Variants in KLHL11 observed in about 807,000 individuals in gnomAD.
KLHL11 encodes the protein kelch like family member 11, also known as kelch-like protein 11.
Under a neutral mutation model 56.1 loss-of-function variants are expected in KLHL11, and 26 were observed. That is an observed-to-expected ratio of 0.46 (90% CI 0.34 to 0.64). The LOEUF (loss-of-function observed/expected upper bound fraction) is 0.64. KLHL11 is among the 30% of genes least tolerant of loss of function. KLHL11 has a pLI of 0.01. For missense variants in KLHL11, 627 were observed against 919.4 expected (o/e 0.68, Z 4.11); for synonymous variants, 338 against 345.8 (o/e 0.98, Z 0.25).
Position 41,852,677 on chromosome 17 carries a change from G to C in KLHL11, c.*1063C>G, listed in dbSNP as rs2048338728. Among the ~76,000 whole-genome samples, 1 of 151,278 alleles carries C rather than the reference G, an allele frequency of 6.6e-6. No homozygotes were observed. Among genetic ancestry groups the C allele is most frequent in the Admixed American group, 6.6e-5 (1 of 15,174 alleles). On this transcript the variant is annotated 3_prime_UTR_variant, in exon 2 of 2. Transcript: ENST00000319121. ...GTGATGGTGGGTACCTGTAATCCCA[G>C]CTACTCGGGATGCTGAGGCAAGAGA...
In KLHL11 at chr17:41,865,225, C is replaced by T; in HGVS notation, c.146G>A (p.Gly49Glu). Residue 49 changes from glycine to glutamate, a missense_variant, in exon 1 of 2, where the codon GGG becomes GAG. This residue lies in a region of KLHL11 where 121 missense variants were observed against 116.2 expected (regional missense o/e 1.04). Transcript: ENST00000319121. Reference protein sequence around the residue: ...EVRGSGTVDFGPGPGISAMEA... With the variant: ...EVRGSGTVDFEPGPGISAMEA... Reference sequence around the variant, plus strand: ...CATTGCAGAGATCCCCGGCCCAGGCCCGAAGTCCACCGTGCCGCTGCCTCG... The same window carrying T: ...CATTGCAGAGATCCCCGGCCCAGGCTCGAAGTCCACCGTGCCGCTGCCTCG... 6.2e-7 allele frequency: 1 copy of T among 1,600,028 alleles called. No individual in the cohort carries two copies. Among genetic ancestry groups the T allele is most frequent in the Non-Finnish European group, 8.5e-7 (1 of 1,175,294 alleles).
intron 1 of KLHL11, among the ~76,000 whole-genome samples, chr17:41,861,769 C>T (rs770288298): frequency 5.9e-5 from 9 of 151,884 alleles, no homozygotes; most frequent in Non-Finnish European, 1.2e-4. Context: ...CTCTTCCATC[C>T]CGACAGTTCC....
Position 41,855,056 on chromosome 17 carries a change from A to G in KLHL11, c.811T>C (p.Leu271=), listed in dbSNP as rs782768664. 11 of 1,614,162 alleles carry G rather than the reference A, an allele frequency of 6.8e-6. No individual in the cohort carries two copies. The highest frequency in any genetic ancestry group is 8.5e-6 in the Non-Finnish European group (10 of 1,180,050). The part of the protein sequence containing the change: ...DSEEVLFETV[L]KWVQRNAEER... ...TCAGCATTTCTCTGAACCCATTTCA[A>G]AACGGTTTCAAAGAGAACCTCTTCA... The change falls in exon 2 of 2, where the codon TTG becomes CTG. Residue 271 remains leucine, a synonymous_variant. Transcript: ENST00000319121.
chr17:41,855,660 C>T (rs1555622442), intron 1 of KLHL11, among the ~76,000 whole-genome samples: 1 of 151,656 alleles, frequency 6.6e-6, no homozygotes, highest in East Asian at 1.9e-4. Flanking sequence ...CGTGAGCTGC[C>T]GTGCCCGGCC....
chr17:41,864,815 CCCTCGCCTA>C lies in KLHL11; in HGVS notation c.545+2_545+10del. ...CCCGCCGCCCTCCGCGCTCCCGCCT[CCCTCGCCTA>C]CCTGTCGGCCAACTCCAGCACCTCG... On this transcript the variant is annotated splice_donor_variant and splice_donor_5th_base_variant and intron_variant, in intron 1 of 1. Transcript: ENST00000319121. LOFTEE classifies it high-confidence loss of function. The C allele has an allele frequency of 6.7e-6, 10 of 1,493,826 alleles. No homozygotes were observed. The highest frequency in any genetic ancestry group is 8.9e-6 in the Non-Finnish European group (10 of 1,119,494). The allele number at this position is 1,493,826 out of a possible 1,614,324, so 92.5% of individuals were successfully genotyped here.
intron 1 of KLHL11, among the ~76,000 whole-genome samples, chr17:41,855,836 T>A (rs1353715461): frequency 2.0e-5 from 3 of 148,322 alleles, no homozygotes; most frequent in Non-Finnish European, 4.5e-5. Context: ...CACACCCAGC[T>A]AATTTTTGTA....
intron 1 of KLHL11, 46 bp downstream of exon 1, chr17:41,864,780 C>A: frequency 6.8e-7 from 1 of 1,478,612 alleles, no homozygotes; most frequent in East Asian, 2.6e-5. Context: ...AGCATCTCCC[C>A]CTCTCCGCGC....
chr17:41,857,810 G>C (rs1477507693), intron 1 of KLHL11, among the ~76,000 whole-genome samples: 1 of 151,886 alleles, frequency 6.6e-6, no homozygotes, highest in Non-Finnish European at 1.5e-5. Flanking sequence ...TGTCTGGCTG[G>C]AGGTTTTTCT....
chr17:41,852,897 A>C lies in KLHL11; in HGVS notation c.*843T>G, dbSNP rs1463580441. Among the ~76,000 whole-genome samples, 1 of 152,194 alleles carries C rather than the reference A, an allele frequency of 6.6e-6. No individual in the cohort carries two copies. The highest frequency in any genetic ancestry group is 2.4e-5 in the African/African-American group (1 of 41,460). On this transcript the variant is annotated 3_prime_UTR_variant, in exon 2 of 2. Coordinates refer to ENST00000319121, the MANE Select transcript of KLHL11 (RefSeq NM_018143.3). ...GTCATAGGCATTATTTACACTCATT[A>C]ACATATCCTCAAATAATCCTGCAAC...
Position 41,854,379 on chromosome 17 carries a change from T to C in KLHL11, c.1488A>G (p.Ala496=). 1 of 1,614,190 alleles carries C rather than the reference T, an allele frequency of 6.2e-7. No homozygotes were observed. Among genetic ancestry groups the C allele is most frequent in the Non-Finnish European group, 8.5e-7 (1 of 1,180,030 alleles). Residue 496 remains alanine (A), a synonymous_variant, in exon 2 of 2, where the codon GCA becomes GCG. Transcript: ENST00000319121. This position sits in a 1 kb window ranked among gnomAD's most constrained non-coding sequence, Gnocchi z 4.9. ...ATACAAACCGGTCTTCAATGGCTAG[T>C]GCTTTGACATCTCGAAGAATCTTTG... The part of the protein sequence containing the change: ...SAPKILRDVK[A]LAIEDRFVYI...
chr17:41,854,389 T>C lies in KLHL11; in HGVS notation c.1478A>G (p.Asp493Gly). Residue 493 changes from aspartate (D) to glycine (G), a missense_variant, in exon 2 of 2, where the codon GAT becomes GGT. By Grantham distance (94) the Asp-to-Gly change is moderately conservative. Around this residue, in one of 4 missense-constraint regions of KLHL11, gnomAD observed 250 missense variants for 360.6 expected, o/e 0.69. Coordinates refer to ENST00000319121, the MANE Select transcript of KLHL11 (RefSeq NM_018143.3). This position sits in a 1 kb window ranked among gnomAD's most constrained non-coding sequence, Gnocchi z 4.9. ...GTCTTCAATGGCTAGTGCTTTGACA[T>C]CTCGAAGAATCTTTGGTGCCGATTC... Reference protein sequence around the residue: ...NLESAPKILRDVKALAIEDRF... With the variant: ...NLESAPKILRGVKALAIEDRF... 6.2e-7 allele frequency: 1 copy of C among 1,614,144 alleles called. No individual in the cohort carries two copies. The highest frequency in any genetic ancestry group is 8.5e-7 in the Non-Finnish European group (1 of 1,180,030).
Position 41,849,020 on chromosome 17 carries a change from T to C in KLHL11, c.*4720A>G, listed in dbSNP as rs1304485693. On this transcript the variant is annotated 3_prime_UTR_variant, in exon 2 of 2. Coordinates refer to ENST00000319121, the MANE Select transcript of KLHL11 (RefSeq NM_018143.3). ...CTACTAGGTTATATTACTGTTATTA[T>C]ATTACATCACCCAACTATGAGCTGT... 6.6e-6 allele frequency: 1 copy of C among 152,244 alleles called. No individual in the cohort carries two copies. The highest frequency in any genetic ancestry group is 1.5e-5 in the Non-Finnish European group (1 of 68,060). The allele number at this position is 152,244 out of a possible 1,614,324, so 9.4% of individuals were successfully genotyped here.
chr17:41,862,532 G>T (rs529130096), intron 1 of KLHL11, among the ~76,000 whole-genome samples: 20 of 151,048 alleles, frequency 1.3e-4, no homozygotes, highest in Non-Finnish European at 2.4e-4. Flanking sequence ...TGCCCACCTC[G>T]GCCTCCCAAA....
rs782538979 is a variant in KLHL11 at position 41,854,409 on chromosome 17, C to T, written c.1458G>A (p.Ser486=). 93 of 1,614,002 alleles carry T rather than the reference C, an allele frequency of 5.8e-5. No individual in the cohort carries two copies. The highest frequency in any genetic ancestry group is 7.2e-5 in the Non-Finnish European group (85 of 1,180,030). ...TGACATCTCGAAGAATCTTTGGTGCCGATTCCAAGTTGTGCCATTTATCAA... is the reference window on the plus strand; with the variant it reads ...TGACATCTCGAAGAATCTTTGGTGCTGATTCCAAGTTGTGCCATTTATCAA... ...PELDKWHNLE[S]APKILRDVKA... Residue 486 remains serine, a synonymous_variant, in exon 2 of 2, where the codon TCG becomes TCA. Transcript: ENST00000319121. The surrounding 1 kb of genome is among the most constrained non-coding windows in gnomAD (Gnocchi z 4.9).
intron 1 of KLHL11, among the ~76,000 whole-genome samples, chr17:41,862,423 C>T (rs1452872104): frequency 1.3e-5 from 2 of 149,456 alleles, no homozygotes; most frequent in Non-Finnish European, 3.0e-5. Flanking sequence ...CAGGCACCCG[C>T]CACCATGCCT....
At chr17:41,862,770 G>A (rs2048412564) in intron 1 of KLHL11, among the ~76,000 whole-genome samples, 1 of 152,050 alleles carries the variant, frequency 6.6e-6, no homozygotes, top group African/African-American at 2.4e-5. Context: ...CCTTTTCTAT[G>A]TATACTCCTT....
At chr17:41,863,190 CTTT>C (rs58265395) in intron 1 of KLHL11, among the ~76,000 whole-genome samples, 89,553 of 132,722 alleles carry the variant, frequency 0.67, 30,806 homozygotes, top group East Asian at 0.81. Context: ...ATCCTTTGTT[CTTT>C]TTTTTTTTTT....
rs1271499427 is a variant in KLHL11 at position 41,853,392 on chromosome 17, G to A, written c.*348C>T. On this transcript the variant is annotated 3_prime_UTR_variant, in exon 2 of 2. Coordinates refer to ENST00000319121, the MANE Select transcript of KLHL11 (RefSeq NM_018143.3). Reference sequence around the variant, plus strand: ...TCAAAGTAAATGTGCAAATAAAATTGGTGCTTAAAGCATGTTCAAAACGTA... The same window carrying A: ...TCAAAGTAAATGTGCAAATAAAATTAGTGCTTAAAGCATGTTCAAAACGTA... 1.3e-5 allele frequency among the ~76,000 whole-genome samples: 2 copies of A among 152,158 alleles called. No individual in the cohort carries two copies. The highest frequency in any genetic ancestry group is 2.9e-5 in the Non-Finnish European group (2 of 68,020).
chr17:41,858,218 C>CTTTTT lies in KLHL11; in HGVS notation c.546-2902_546-2898dup, dbSNP rs1174225045. Among the ~76,000 whole-genome samples the CTTTTT allele has an allele frequency of 1.3e-4, 15 of 116,406 alleles. 1 individual carries two copies. Among genetic ancestry groups the CTTTTT allele is most frequent in the African/African-American group, 3.6e-4 (11 of 30,370 alleles). 76.4% of individuals were successfully genotyped at this position (116,406 alleles called of 152,430 possible). On this transcript the variant is annotated intron_variant, in intron 1 of 1. Coordinates refer to ENST00000319121, the MANE Select transcript of KLHL11 (RefSeq NM_018143.3). ...CTAATTCCTTGCTAGTCACCAGCCT[C>CTTTTT]TTTTTTTTTTTTTTTTTTTTTTTGA...
Sources: gnomAD v4.1 joint callset for allele counts (sites outside exome capture counted in the v4.1 genomes callset) on GRCh38, gnomAD v4.1.1 for gene constraint, gnomAD v4.1.1 regional missense constraint, Gnocchi (gnomAD v3.1) non-coding constraint, MANE v1.5 for transcripts, NCBI Gene and HGNC (gene_info 2026-07-23, HGNC 2026-07-21) for gene names.